TPH2: variants seen among roughly 807,000 people sequenced by gnomAD.
TPH2 encodes tryptophan 5-hydroxylase 2.
TPH2 carries 27 observed loss-of-function variants against 59.1 expected under a neutral mutation model. That is an observed-to-expected ratio of 0.46 (90% confidence interval 0.34 to 0.63). The LOEUF (loss-of-function observed/expected upper bound fraction) is 0.63. Ranked by LOEUF, TPH2 falls within the 30% of genes least tolerant of loss-of-function variation. TPH2 has a pLI of 0.01. For synonymous variants in TPH2, 220 were observed against 210.5 expected (o/e 1.05, Z -0.39); for missense variants, 523 against 588.3 (o/e 0.89, Z 1.15).
At chr12:72,021,723 A>T (rs947215013) in intron 8 of TPH2, among the ~76,000 whole-genome samples, 1 of 152,200 alleles carries the variant, frequency 6.6e-6, no homozygotes, top group Non-Finnish European at 1.5e-5. Context: ...ATGTAAACCT[A>T]TTGTAAGTCG....
At chr12:71,989,585 T>C (rs1423985420) in intron 7 of TPH2, among the ~76,000 whole-genome samples, 2 of 152,220 alleles carry the variant, frequency 1.3e-5, no homozygotes, top group Non-Finnish European at 2.9e-5. Context: ...AAAAGACAGA[T>C]GTGCAGATTT....
intron 5 of TPH2, among the ~76,000 whole-genome samples, chr12:71,956,660 A>C (rs887951678): frequency 2.0e-5 from 3 of 150,774 alleles, no homozygotes; most frequent in Non-Finnish European, 4.4e-5. Context: ...CCTGAGCTGG[A>C]GTGCAGTGGT....
chr12:72,008,631 G>A (rs1873018156), intron 8 of TPH2, among the ~76,000 whole-genome samples: 1 of 152,114 alleles, frequency 6.6e-6, no homozygotes. Context: ...GTGAGGAAAG[G>A]AATCCCCATT....
intron 5 of TPH2, chr12:71,961,792 G>A (rs1592388455): frequency 7.9e-7 from 1 of 1,258,172 alleles, no homozygotes; most frequent in East Asian, 4.8e-5. Flanking sequence ...CTATCCTGTG[G>A]TGCACAGGAC....
chr12:72,002,711 C>T (rs914152238), intron 8 of TPH2, among the ~76,000 whole-genome samples: 1 of 149,662 alleles, frequency 6.7e-6, no homozygotes, highest in Non-Finnish European at 1.5e-5. Flanking sequence ...TTTGAAAGGG[C>T]GAAATTCATT....
chr12:72,010,793 A>G (rs1015423165), intron 8 of TPH2, among the ~76,000 whole-genome samples: 1 of 152,200 alleles, frequency 6.6e-6, no homozygotes, highest in South Asian at 2.1e-4. Flanking sequence ...TCATACTAGC[A>G]TTCGAGAGCT....
At chr12:71,959,417 A>G (rs1254765891) in intron 5 of TPH2, among the ~76,000 whole-genome samples, 1 of 152,216 alleles carries the variant, frequency 6.6e-6, no homozygotes, top group Non-Finnish European at 1.5e-5. Flanking sequence ...TACTGTGCGC[A>G]CTAGGGCTTC....
rs1233143189 is a variant in TPH2, at chr12:71,949,646, G to A, written c.599G>A (p.Gly200Asp). The A allele has an allele frequency of 3.7e-6, 6 of 1,612,382 alleles. No homozygotes were observed. Among genetic ancestry groups the A allele is most frequent in the South Asian group, 3.3e-5 (3 of 91,036 alleles). Reference protein sequence around the residue: ...RRKYFVDVAMGYKYGQPIPRV... With the variant: ...RRKYFVDVAMDYKYGQPIPRV... ...AAGTATTTTGTGGATGTGGCCATGGGTTATAAATAGTAAGTACCTGTATAA... is the reference window on the plus strand; with the variant it reads ...AAGTATTTTGTGGATGTGGCCATGGATTATAAATAGTAAGTACCTGTATAA... The change falls in exon 5 of 11, where the codon GGT (glycine) becomes GAT (aspartate). Residue 200 changes from glycine to aspartate, a missense_variant. Physicochemically the swap from Gly to Asp is moderately conservative, Grantham distance 94. Transcript: ENST00000333850.
intron 9 of TPH2, among the ~76,000 whole-genome samples, chr12:72,031,041 C>A (rs1873707310): frequency 6.6e-6 from 1 of 152,034 alleles, no homozygotes; most frequent in African/African-American, 2.4e-5. Flanking sequence ...CCCACAGTAC[C>A]TAGCATACTT....
chr12:71,962,328 G>A, intron 5 of TPH2: 3 of 985,390 alleles, frequency 3.0e-6, no homozygotes, highest in Non-Finnish European at 3.6e-6. Flanking sequence ...TCATTACAAT[G>A]TTCAGCCAAG....
rs764216930 is a variant in TPH2 at position 71,944,484 on chromosome 12, G to T, written c.439+7G>T. On this transcript the variant is annotated splice_region_variant and intron_variant, in intron 3 of 10. Coordinates refer to ENST00000333850, the MANE Select transcript of TPH2 (RefSeq NM_173353.4). ...ATTTGGACAGAGGAAGAAGGCAAGG[G>T]TGGTCTTAGCTTGTCGGGTAACTTT... is the stretch of plus-strand genomic sequence containing the variant. 1 of 1,613,946 alleles carries T rather than the reference G, an allele frequency of 6.2e-7. No individual in the cohort carries two copies. The highest frequency in any genetic ancestry group is 8.5e-7 in the Non-Finnish European group (1 of 1,179,870).
chr12:72,010,798 AGAGCTGACCT>A lies in TPH2; in HGVS notation c.1069-11600_1069-11591del, dbSNP rs1592410281. ...ACCTCATTTTTCATACTAGCATTCG[AGAGCTGACCT>A]TTAAAATCACCACATCTGGGGAGAA... On this transcript the variant is annotated intron_variant, in intron 8 of 10. Coordinates refer to ENST00000333850, the MANE Select transcript of TPH2 (RefSeq NM_173353.4). Among the ~76,000 whole-genome samples, 5 of 152,186 alleles carry A rather than the reference AGAGCTGACCT, an allele frequency of 3.3e-5. No homozygotes were observed. In the East Asian group the frequency reaches 9.6e-4, roughly 29 times the overall value.
chr12:72,006,288 G>A (rs140832019), intron 8 of TPH2, among the ~76,000 whole-genome samples: 67 of 152,278 alleles, frequency 4.4e-4, no homozygotes, highest in African/African-American at 1.5e-3. Context: ...CATAATAGGT[G>A]CAGAAACCAC....
chr12:72,010,682 G>C (rs1253418930), intron 8 of TPH2, among the ~76,000 whole-genome samples: 1 of 151,974 alleles, frequency 6.6e-6, no homozygotes, highest in East Asian at 1.9e-4. Context: ...TGTCTAGGAG[G>C]GTGTTGCTTT....
rs780344719 is a variant in TPH2 at position 71,972,690 on chromosome 12, C to A, written c.780C>A (p.Leu260=). ...CGYREDNVPQ[L]EDVSMFLKER... ...ACAGAGAGGACAATGTGCCTCAACTCGAAGATGTCTCCATGTTTCTGAAAG... is the reference window on the plus strand; with the variant it reads ...ACAGAGAGGACAATGTGCCTCAACTAGAAGATGTCTCCATGTTTCTGAAAG... The change falls in exon 6 of 11, where the codon CTC becomes CTA. Residue 260 remains leucine, a synonymous_variant. Transcript: ENST00000333850. 6.2e-7 allele frequency: 1 copy of A among 1,614,016 alleles called. No individual in the cohort carries two copies.
chr12:71,969,008 A>C (rs551374751), intron 5 of TPH2, among the ~76,000 whole-genome samples: 198 of 152,356 alleles, frequency 1.3e-3, no homozygotes, highest in African/African-American at 4.5e-3. Context: ...ACGGGCCGGA[A>C]GCGGCTGGCT....
At position 71,944,319 on chromosome 12, in the gene TPH2, T is replaced by A; in HGVS notation, c.281T>A (p.Ile94Asn). 6.2e-7 allele frequency: 1 copy of A among 1,613,852 alleles called. No homozygotes were observed. Among genetic ancestry groups the A allele is most frequent in the South Asian group, 1.1e-5 (1 of 91,076 alleles). ...GAAAAACGTGTCAACATGGTTCATA[T>A]TGAATCCAGGAAATCTCGGCGAAGA... is the stretch of plus-strand genomic sequence containing the variant. ...FQEKRVNMVH[I>N]ESRKSRRRSS... Residue 94 changes from isoleucine (I) to asparagine (N), a missense_variant, in exon 3 of 11, where the codon ATT (isoleucine) becomes AAT (asparagine). Coordinates refer to ENST00000333850, the MANE Select transcript of TPH2 (RefSeq NM_173353.4).
rs1872016903 is a variant in TPH2, at chr12:71,972,978, G to A, written c.805+263G>A. ...GGCCCAAAGGATATTTGCAAGTTCAGCTCTGAGCTTTTTCTGATCCAGGAG... is the reference window on the plus strand; with the variant it reads ...GGCCCAAAGGATATTTGCAAGTTCAACTCTGAGCTTTTTCTGATCCAGGAG... On this transcript the variant is annotated intron_variant, in intron 6 of 10. Transcript: ENST00000333850. 3.3e-5 allele frequency among the ~76,000 whole-genome samples: 5 copies of A among 152,164 alleles called. 1 individual carries two copies. The South Asian group carries it at 1.0e-3, about 31-fold the overall frequency.
chr12:71,994,448 C>T lies in TPH2; in HGVS notation c.951C>T (p.Cys317=). The stretch of plus-strand genomic sequence containing the variant: ...ATGTCTTTTTTGTCAGAGACACATG[C>T]CATGAACTCTTGGGACATGTTCCAC... ...DPLYTPEPDT[C]HELLGHVPLL... The change falls in exon 8 of 11, where the codon TGC becomes TGT. Residue 317 remains cysteine, a synonymous_variant. Transcript: ENST00000333850. 1.2e-6 allele frequency: 2 copies of T among 1,613,854 alleles called. No homozygotes were observed. The highest frequency in any genetic ancestry group is 1.7e-6 in the Non-Finnish European group (2 of 1,179,776).
Sources: allele counts gnomAD v4.1 joint callset (sites outside exome capture counted in the v4.1 genomes callset), GRCh38; gene constraint gnomAD v4.1.1; transcripts MANE v1.5; gene names NCBI Gene and HGNC (gene_info 2026-07-23, HGNC 2026-07-21).